The following MROH2B variants were observed in gnomAD, a reference collection of about 807,000 sequenced individuals.
The protein encoded by MROH2B is maestro heat-like repeat-containing protein family member 2B.
A neutral mutation model predicts 208.6 loss-of-function variants in MROH2B; 177 were observed. The ratio of observed to expected loss-of-function variants is 0.85; its 90% CI spans 0.75 to 0.96. The LOEUF (loss-of-function observed/expected upper bound fraction) is 0.96. Ranked by LOEUF, MROH2B falls within the 40% of genes least tolerant of loss-of-function variation. MROH2B has a pLI of 0.00. For missense variants in MROH2B, 2,002 were observed against 1,878.7 expected (o/e 1.07, Z -1.21); for synonymous variants, 728 against 659.0 (o/e 1.10, Z -1.60).
Position 41,000,775 on chromosome 5 carries a change from G to A in MROH2B, c.4253C>T (p.Thr1418Ile). ...IFLFEDLAPL[T>I]GRRWKIFFAE... Reference sequence around the variant, plus strand: ...AAAAAAAATCTTCCACCTTCTTCCTGTTAGGGGTGCCAGGTCCTCAAATAA... The same window carrying A: ...AAAAAAAATCTTCCACCTTCTTCCTATTAGGGGTGCCAGGTCCTCAAATAA... The change falls in exon 38 of 42, where the codon ACA becomes ATA. Residue 1418 changes from threonine to isoleucine, a missense_variant. Transcript: ENST00000399564. The A allele has an allele frequency of 4.3e-6, 7 of 1,611,586 alleles. No homozygotes were observed. The highest frequency in any genetic ancestry group is 1.7e-4 in the Middle Eastern group (1 of 6,060).
chr5:41,054,778 G>A lies in MROH2B; in HGVS notation c.1096C>T (p.Leu366Phe). 6 of 1,609,848 alleles carry A rather than the reference G, an allele frequency of 3.7e-6. No homozygotes were observed. The highest frequency in any genetic ancestry group is 5.1e-6 in the Non-Finnish European group (6 of 1,177,600). ...ATTAATTCTCTTACTTTTGTACTGA[G>A]ATCACCCATGACGATTTTGACTGTT... is the stretch of plus-strand genomic sequence containing the variant. ...ERTVKIVMGD[L>F]STKVRNSVLL... Residue 366 changes from leucine to phenylalanine, a missense_variant, in exon 11 of 42, where the codon CTC becomes TTC. By Grantham distance (22) the Leu-to-Phe change is conservative. Transcript: ENST00000399564.
In MROH2B at chr5:41,067,149, G is replaced by A. The variant is rs562368242; in HGVS notation, c.160C>T (p.Arg54Ter). ...TCCTTAGAAGCATAATAAATCAATC[G>A]TTGGACAATTGCATCATCCAAGATG... is the stretch of plus-strand genomic sequence containing the variant. ...TDILDDAIVQ[R>*]LIYYASKDMR... The change falls in exon 3 of 42, where the codon CGA becomes TGA. Residue 54 changes from arginine to a stop codon, truncating the protein, a stop_gained. Coordinates refer to ENST00000399564, the MANE Select transcript of MROH2B (RefSeq NM_173489.5). LOFTEE classifies it high-confidence loss of function. 1.9e-5 allele frequency: 29 copies of A among 1,555,520 alleles called. No individual in the cohort carries two copies. Among genetic ancestry groups the A allele is most frequent in the African/African-American group, 1.2e-4 (9 of 73,594 alleles).
chr5:41,042,322 A>T, intron 18 of MROH2B, 114 bp from the exon 19 acceptor site: 1 of 614,166 alleles, frequency 1.6e-6, no homozygotes, highest in Non-Finnish European at 2.9e-6. Context: ...GTGACTTAAT[A>T]ACCATGTACC....
chr5:41,058,753 T>TA (rs1412463895), intron 6 of MROH2B, among the ~76,000 whole-genome samples: 4 of 152,120 alleles, frequency 2.6e-5, no homozygotes, highest in African/African-American at 9.7e-5. Context: ...TACCTCATCT[T>TA]AAAGAACCTT....
At position 41,033,154 on chromosome 5, in the gene MROH2B, C is replaced by A; in HGVS notation, c.2248G>T (p.Asp750Tyr). 1.2e-6 allele frequency: 2 copies of A among 1,612,598 alleles called. No homozygotes were observed. Among genetic ancestry groups the A allele is most frequent in the Non-Finnish European group, 1.7e-6 (2 of 1,179,020 alleles). ...CTTCTTGTGAAACTCATTTGCAGAT[C>A]CATGTCCTAAAGCAAAAGCATTTAC... ...LGMSVMNKDM[D>Y]LQMSFTRSIT... is the part of the protein sequence containing the mutation. The change falls in exon 23 of 42, where the codon GAT becomes TAT. Residue 750 changes from aspartate to tyrosine, a missense_variant. By Grantham distance (160) the Asp-to-Tyr change is radical. Coordinates refer to ENST00000399564, the MANE Select transcript of MROH2B (RefSeq NM_173489.5).
intron 22 of MROH2B, among the ~76,000 whole-genome samples, chr5:41,033,370 G>A (rs1253134076): frequency 1.3e-5 from 2 of 151,974 alleles, no homozygotes; most frequent in Admixed American, 6.6e-5. Context: ...TAGAATGAAG[G>A]TCCTCTAGAG....
At chr5:41,032,569 C>T (rs574897471) in intron 24 of MROH2B, among the ~76,000 whole-genome samples, 173 bp downstream of exon 24, 1 of 152,038 alleles carries the variant, frequency 6.6e-6, no homozygotes, top group African/African-American at 2.4e-5. Flanking sequence ...AATTTCTCAG[C>T]CAGATCCATA....
intron 17 of MROH2B, among the ~76,000 whole-genome samples, chr5:41,046,303 T>C (rs1328422615): frequency 6.6e-6 from 1 of 151,968 alleles, no homozygotes; most frequent in Non-Finnish European, 1.5e-5. Context: ...AACAGGCACA[T>C]TTTGATGTAC....
At chr5:41,066,629 T>C (rs1743822328) in intron 3 of MROH2B, among the ~76,000 whole-genome samples, 1 of 152,202 alleles carries the variant, frequency 6.6e-6, no homozygotes, top group Non-Finnish European at 1.5e-5. Context: ...AATCATAAAT[T>C]GTTAGTGCCC....
chr5:41,032,590 A>G (rs1742608620), intron 24 of MROH2B, among the ~76,000 whole-genome samples, 152 bp downstream of exon 24: 1 of 152,116 alleles, frequency 6.6e-6, no homozygotes, highest in Non-Finnish European at 1.5e-5. Context: ...ACTCTTTGGA[A>G]GGAGAAAAAG....
intron 9 of MROH2B, among the ~76,000 whole-genome samples, chr5:41,056,842 T>C (rs1466190718): frequency 6.6e-6 from 1 of 151,848 alleles, no homozygotes; most frequent in African/African-American, 2.4e-5. Flanking sequence ...TTCCAAGGAC[T>C]TCCTTGGTTT....
In MROH2B at chr5:41,027,257, C is replaced by A. The variant is rs187884001; in HGVS notation, c.2441+5485G>T. On this transcript the variant is annotated intron_variant, in intron 24 of 41. Coordinates refer to ENST00000399564, the MANE Select transcript of MROH2B (RefSeq NM_173489.5). ...ACCATCAGAGTGAACAGACAACCTA[C>A]AAAATGGGAGAAAATTTTTGCAATC... is the stretch of plus-strand genomic sequence containing the variant. Among the ~76,000 whole-genome samples, 220 of 152,240 alleles carry A rather than the reference C, an allele frequency of 1.4e-3. 6 individuals carry two copies. In the East Asian group the frequency reaches 0.038, roughly 26 times the overall value.
At chr5:41,023,067 G>A (rs1180214131) in intron 24 of MROH2B, among the ~76,000 whole-genome samples, 2 of 152,044 alleles carry the variant, frequency 1.3e-5, no homozygotes, top group African/African-American at 4.8e-5. Flanking sequence ...AAAGACCAAA[G>A]GCAGATAAAA....
At chr5:41,066,666 C>G (rs1431414373) in intron 3 of MROH2B, among the ~76,000 whole-genome samples, 1 of 152,178 alleles carries the variant, frequency 6.6e-6, no homozygotes, top group African/African-American at 2.4e-5. Flanking sequence ...ATACTTCTTT[C>G]TGGAAGAAAT....
chr5:41,033,632 A>G (rs2150167269), intron 22 of MROH2B, among the ~76,000 whole-genome samples: 1 of 152,180 alleles, frequency 6.6e-6, no homozygotes, highest in East Asian at 1.9e-4. Flanking sequence ...TCAACTTCTA[A>G]AGACCCTGGA....
chr5:41,008,598 C>T lies in MROH2B; in HGVS notation c.3608+8G>A. Reference sequence around the variant, plus strand: ...ACTGTGGAAGATGCTTCCTGATTGGCCGTTTACCTGCAGGGGTCTGGGATC... The same window carrying T: ...ACTGTGGAAGATGCTTCCTGATTGGTCGTTTACCTGCAGGGGTCTGGGATC... On this transcript the variant is annotated splice_region_variant and intron_variant, in intron 33 of 41. Transcript: ENST00000399564. 6.2e-7 allele frequency: 1 copy of T among 1,612,634 alleles called. No homozygotes were observed. Among genetic ancestry groups the T allele is most frequent in the Non-Finnish European group, 8.5e-7 (1 of 1,179,342 alleles).
At chr5:41,027,372 G>A (rs1017850799) in intron 24 of MROH2B, among the ~76,000 whole-genome samples, 7 of 152,066 alleles carry the variant, frequency 4.6e-5, no homozygotes, top group Non-Finnish European at 1.0e-4. Flanking sequence ...TCAAAAAGTG[G>A]GCAAAGGATA....
chr5:40,998,022 G>C lies in MROH2B; in HGVS notation c.*30C>G. On this transcript the variant is annotated 3_prime_UTR_variant, in exon 42 of 42. Coordinates refer to ENST00000399564, the MANE Select transcript of MROH2B (RefSeq NM_173489.5). ...AGGATGAAGACAGGAGTCAGATATAGGAAAAGCCAGCAGTTTATTTCTTGA... is the reference window on the plus strand; with the variant it reads ...AGGATGAAGACAGGAGTCAGATATACGAAAAGCCAGCAGTTTATTTCTTGA... 2.0e-6 allele frequency: 3 copies of C among 1,514,996 alleles called. No individual in the cohort carries two copies. Among genetic ancestry groups the C allele is most frequent in the Non-Finnish European group, 2.7e-6 (3 of 1,095,762 alleles). The allele number at this position is 1,514,996 out of a possible 1,614,324, so 93.8% of individuals were successfully genotyped here.
chr5:41,068,759 G>C (rs114535676), intron 2 of MROH2B, among the ~76,000 whole-genome samples: 2 of 152,126 alleles, frequency 1.3e-5, no homozygotes, highest in African/African-American at 4.8e-5. Context: ...GTGTTCTTTC[G>C]GAAAGGTGAC....
Sources: allele counts gnomAD v4.1 joint callset (sites outside exome capture counted in the v4.1 genomes callset), GRCh38; gene constraint gnomAD v4.1.1; transcripts MANE v1.5; gene names NCBI Gene and HGNC (gene_info 2026-07-23, HGNC 2026-07-21).